DCP2: variants seen among roughly 807,000 people sequenced by gnomAD.
The protein encoded by DCP2 is m7GpppN-mRNA hydrolase.
In DCP2, 30 loss-of-function variants were observed where a neutral mutation model predicts 56.1. The ratio of observed to expected loss-of-function variants is 0.53; its 90% CI spans 0.40 to 0.73. The LOEUF is 0.73. Among genes scored for constraint, DCP2 ranks in the 30% least tolerant of loss-of-function variants. The pLI is 0.00. For missense variants in DCP2, 533 were observed against 502.7 expected, an observed-to-expected ratio of 1.06 and a Z score of -0.58; for synonymous variants, 197 against 163.3, an observed-to-expected ratio of 1.21 and a Z score of -1.57.
At chr5:112,993,901 T>C (rs569660548) in intron 4 of DCP2, among the ~76,000 whole-genome samples, 79 of 152,076 alleles carry the variant, frequency 5.2e-4, no homozygotes, top group African/African-American at 1.8e-3. Context: ...CATACAATTA[T>C]TTTTGGTGTA....
intron 8 of DCP2, among the ~76,000 whole-genome samples, chr5:113,005,151 G>GGGGTGTGTGTGTGTGTGTGTGTGTGT (rs140772660): frequency 6.7e-6 from 1 of 149,420 alleles, no homozygotes; most frequent in African/African-American, 2.5e-5. Flanking sequence ...TGTGCGTGTG[G>GGGGTGTGTGTGTGTGTGTGTGTGTGT]GTGTGTGTGT....
At chr5:112,980,621 G>A (rs575037513) in intron 1 of DCP2, among the ~76,000 whole-genome samples, 80 of 152,272 alleles carry the variant, frequency 5.3e-4, no homozygotes, top group African/African-American at 1.9e-3. Flanking sequence ...CAGAATGAAC[G>A]CATTAAATGT....
rs949620012 is a variant in DCP2 at position 113,018,559 on chromosome 5, T to G, written c.*5075T>G. 1.3e-5 allele frequency: 2 copies of G among 152,212 alleles called. No homozygotes were observed. Among genetic ancestry groups the G allele is most frequent in the South Asian group, 2.1e-4 (1 of 4,832 alleles). The allele number at this position is 152,212 out of a possible 1,614,324, so 9.4% of individuals were successfully genotyped here. A position where few individuals can be genotyped will look rare whatever the true frequency, so the allele number is the denominator to read the frequency against. On this transcript the variant is annotated 3_prime_UTR_variant, in exon 11 of 11. Transcript: ENST00000389063. ...TTGTAATCTTGTCCCACATGGACCCTAACCTTTAGTAGACTTCAGTCTTTT... is the reference window on the plus strand; with the variant it reads ...TTGTAATCTTGTCCCACATGGACCCGAACCTTTAGTAGACTTCAGTCTTTT...
At chr5:113,008,190 A>G (rs146365600) in intron 9 of DCP2, 148 bp downstream of exon 9, 7,950 of 577,508 alleles carry the variant, frequency 0.014, 82 homozygotes, top group Non-Finnish European at 0.019. Context: ...CTTGTGCACT[A>G]TTCACACTAA....
intron 2 of DCP2, among the ~76,000 whole-genome samples, chr5:112,988,353 G>T (rs373206097): frequency 6.6e-6 from 1 of 151,254 alleles, no homozygotes; most frequent in East Asian, 1.9e-4. Context: ...TTAGCTGGGC[G>T]TGGTGGCGGG....
intron 1 of DCP2, 37 bp from the exon 2 acceptor site, chr5:112,985,798 G>A (rs768309488): frequency 3.8e-5 from 60 of 1,589,608 alleles, no homozygotes; most frequent in Non-Finnish European, 5.0e-5. Flanking sequence ...GTTATAGTTT[G>A]TAAATGTAAT....
At chr5:112,990,544 C>T (rs1445752248) in intron 2 of DCP2, among the ~76,000 whole-genome samples, 1 of 151,906 alleles carries the variant, frequency 6.6e-6, no homozygotes, top group Non-Finnish European at 1.5e-5. Context: ...AAGCTTTCAT[C>T]TTTTTTTTCC....
chr5:112,988,252 G>C (rs1175187654), intron 2 of DCP2, among the ~76,000 whole-genome samples: 1 of 151,832 alleles, frequency 6.6e-6, no homozygotes, highest in African/African-American at 2.4e-5. Flanking sequence ...GGAGGCCAAG[G>C]GGGGCGGATC....
At chr5:112,977,325 G>A (rs1016692281) in intron 1 of DCP2, among the ~76,000 whole-genome samples, 1 of 152,142 alleles carries the variant, frequency 6.6e-6, no homozygotes, top group African/African-American at 2.4e-5. Context: ...CTCTCCCATT[G>A]TTTTTTCTGC....
In DCP2 at chr5:113,001,065, C is replaced by T; in HGVS notation, c.433-19C>T. ...CTAAGAACTAAAATGAAAATTTCAT[C>T]CAAATTTGTTGTTTCCAGGTCTTTG... On this transcript the variant is annotated intron_variant, in intron 4 of 10. Transcript: ENST00000389063. 1 of 1,565,238 alleles carries T rather than the reference C, an allele frequency of 6.4e-7. No homozygotes were observed. Among genetic ancestry groups the T allele is most frequent in the East Asian group, 2.3e-5 (1 of 44,048 alleles).
chr5:112,988,107 C>T (rs1748386042), intron 2 of DCP2, among the ~76,000 whole-genome samples: 1 of 152,056 alleles, frequency 6.6e-6, no homozygotes, highest in Non-Finnish European at 1.5e-5. Context: ...ATGGATGAAA[C>T]AGTGATTGTT....
intron 4 of DCP2, among the ~76,000 whole-genome samples, chr5:112,999,160 C>T (rs4705530): frequency 0.75 from 114,343 of 152,140 alleles, 43,187 homozygotes; most frequent in African/African-American, 0.81. Context: ...ACGAGGAATT[C>T]AGATTATACA....
Position 112,976,840 on chromosome 5 carries a change from G to T in DCP2, c.-94G>T, listed in dbSNP as rs550153688. Reference sequence around the variant, plus strand: ...CGTCTCTGCCGCGGCTTCCTCGGCTGCCAGCTCTCCGGCGAGCCGGAGTCC... The same window carrying T: ...CGTCTCTGCCGCGGCTTCCTCGGCTTCCAGCTCTCCGGCGAGCCGGAGTCC... On this transcript the variant is annotated 5_prime_UTR_variant, in exon 1 of 11. Coordinates refer to ENST00000389063, the MANE Select transcript of DCP2 (RefSeq NM_152624.6). 1 of 1,357,890 alleles carries T rather than the reference G, an allele frequency of 7.4e-7. No individual in the cohort carries two copies. Among genetic ancestry groups the T allele is most frequent in the Non-Finnish European group, 1.1e-6 (1 of 946,222 alleles). The allele number at this position is 1,357,890 out of a possible 1,614,324, so 84.1% of individuals were successfully genotyped here.
At chr5:112,984,695 A>ATATATATATATATATATATAT (rs1332407058) in intron 1 of DCP2, 10 of 75,730 alleles carry the variant, frequency 1.3e-4, no homozygotes, top group African/African-American at 4.0e-4. Context: ...TTAAAAAAAA[A>ATATATATATATATATATATAT]AAAAAAAAAT....
At chr5:113,012,668 G>T (rs1749725895) in intron 10 of DCP2, among the ~76,000 whole-genome samples, 1 of 151,976 alleles carries the variant, frequency 6.6e-6, no homozygotes, top group Non-Finnish European at 1.5e-5. Flanking sequence ...TTTTGAGACA[G>T]AGTCTTGCTG....
rs1361726495 is a variant in DCP2, at chr5:113,015,613, G to A, written c.*2129G>A. On this transcript the variant is annotated 3_prime_UTR_variant, in exon 11 of 11. Coordinates refer to ENST00000389063, the MANE Select transcript of DCP2 (RefSeq NM_152624.6). Reference sequence around the variant, plus strand: ...GAACAAAATATAAGGGTACTGTTGGGGTGTGATTATGATAACTTCAGGCTT... The same window carrying A: ...GAACAAAATATAAGGGTACTGTTGGAGTGTGATTATGATAACTTCAGGCTT... The A allele has an allele frequency of 6.6e-6, 1 of 152,388 alleles. No homozygotes were observed. Among genetic ancestry groups the A allele is most frequent in the Non-Finnish European group, 1.5e-5 (1 of 67,986 alleles). The allele number at this position is 152,388 out of a possible 1,614,324, so 9.4% of individuals were successfully genotyped here.
intron 1 of DCP2, among the ~76,000 whole-genome samples, chr5:112,979,330 A>G (rs937433239): frequency 3.9e-5 from 6 of 152,322 alleles, no homozygotes; most frequent in South Asian, 4.1e-4. Context: ...GTTAATATTT[A>G]TAGCTTTGAT....
intron 1 of DCP2, chr5:112,984,722 A>ATATATATATATATATATATATATT (rs1328543744): frequency 2.2e-5 from 3 of 134,316 alleles, no homozygotes; most frequent in African/African-American, 8.9e-5. Flanking sequence ...ATATATATAT[A>ATATATATATATATATATATATATT]TATTTGAGAC....
In DCP2 at chr5:113,020,437, T is replaced by C. The variant is rs1468358993; in HGVS notation, c.*6953T>C. On this transcript the variant is annotated 3_prime_UTR_variant, in exon 11 of 11. Coordinates refer to ENST00000389063, the MANE Select transcript of DCP2 (RefSeq NM_152624.6). ...ACAGTTCTTGGTGCTCTTTTGGAAATTGTCAAACATTTACTGATAGCAGAA... is the reference window on the plus strand; with the variant it reads ...ACAGTTCTTGGTGCTCTTTTGGAAACTGTCAAACATTTACTGATAGCAGAA... The C allele has an allele frequency of 6.6e-6, 1 of 152,208 alleles. No individual in the cohort carries two copies. The highest frequency in any genetic ancestry group is 6.5e-5 in the Admixed American group (1 of 15,288). The allele number at this position is 152,208 out of a possible 1,614,324, so 9.4% of individuals were successfully genotyped here. A position where few individuals can be genotyped will look rare whatever the true frequency, so the allele number is the denominator to read the frequency against.
Sources: allele counts gnomAD v4.1 joint callset (sites outside exome capture counted in the v4.1 genomes callset), GRCh38; gene constraint gnomAD v4.1.1; transcripts MANE v1.5; gene names NCBI Gene and HGNC (gene_info 2026-07-23, HGNC 2026-07-21).